GNA12: variants seen among roughly 807,000 people sequenced by gnomAD.
GNA12 encodes the protein G protein subunit alpha 12.
In GNA12, 9 loss-of-function variants were observed where a neutral mutation model predicts 26.0. That is an observed-to-expected ratio of 0.35 (90% CI 0.21 to 0.60). The LOEUF (loss-of-function observed/expected upper bound fraction) is 0.60. Ranked by LOEUF, GNA12 falls within the 20% of genes least tolerant of loss-of-function variation. GNA12 has a pLI of 0.78. For missense variants in GNA12, 405 were observed against 525.8 expected (o/e 0.77, Z 2.25); for synonymous variants, 264 against 219.6 (o/e 1.20, Z -1.79).
chr7:2,729,463 C>A lies in GNA12; in HGVS notation c.*1718G>T, dbSNP rs919286238. ...TCCAGCCAAAAAAGGAGCCACAAGC[C>A]CAGCAAACACTGACACACAGCCTCG... On this transcript the variant is annotated 3_prime_UTR_variant, in exon 4 of 4. Transcript: ENST00000275364. The A allele has an allele frequency of 6.6e-6, 1 of 152,470 alleles. No individual in the cohort carries two copies. Among genetic ancestry groups the A allele is most frequent in the African/African-American group, 2.4e-5 (1 of 41,444 alleles). 9.4% of individuals were successfully genotyped at this position (152,470 alleles called of 1,614,324 possible).
intron 2 of GNA12, among the ~76,000 whole-genome samples, chr7:2,740,135 T>TA (rs1358079174): frequency 2.0e-5 from 3 of 152,226 alleles, no homozygotes; most frequent in Admixed American, 6.5e-5. Flanking sequence ...GTGGCCATCC[T>TA]ACTAGCTGTG....
intron 1 of GNA12, among the ~76,000 whole-genome samples, chr7:2,796,086 G>T (rs965076437): frequency 5.9e-5 from 9 of 151,656 alleles, no homozygotes; most frequent in Non-Finnish European, 1.5e-5. Context: ...GCCTGGTCTC[G>T]AACTCCTGAC....
chr7:2,808,255 C>T (rs79125645), intron 1 of GNA12, among the ~76,000 whole-genome samples: 7 of 152,374 alleles, frequency 4.6e-5, no homozygotes, highest in South Asian at 4.1e-4. Flanking sequence ...TAGTGCTACC[C>T]GACACCCACC....
At chr7:2,763,217 CA>C in intron 2 of GNA12, 2 of 435,364 alleles carry the variant, frequency 4.6e-6, no homozygotes, top group South Asian at 1.0e-4. Context: ...CACACACACA[CA>C]CACACACACA....
intron 1 of GNA12, among the ~76,000 whole-genome samples, chr7:2,836,597 C>T (rs1031191009): frequency 3.3e-5 from 5 of 152,184 alleles, no homozygotes; most frequent in African/African-American, 1.2e-4. Context: ...CTTACAACAG[C>T]AGACCTTTTT....
At chr7:2,843,248 T>G (rs1779052568) in intron 1 of GNA12, among the ~76,000 whole-genome samples, 1 of 152,184 alleles carries the variant, frequency 6.6e-6, no homozygotes, top group Admixed American at 6.5e-5. Flanking sequence ...GATACCATTC[T>G]GCTAGGGCAC....
chr7:2,837,397 T>C (rs532933149), intron 1 of GNA12, among the ~76,000 whole-genome samples: 10 of 152,184 alleles, frequency 6.6e-5, no homozygotes, highest in African/African-American at 2.2e-4. Flanking sequence ...CAGAAGGAGA[T>C]GAGAGAGAGG....
chr7:2,732,324 A>G (rs1367885369), intron 3 of GNA12, among the ~76,000 whole-genome samples: 1 of 152,164 alleles, frequency 6.6e-6, no homozygotes, highest in Admixed American at 6.5e-5. Flanking sequence ...AGTGGGAGGA[A>G]TACCTTGAGC....
chr7:2,830,613 GA>G (rs914431778), intron 1 of GNA12, among the ~76,000 whole-genome samples: 4 of 152,206 alleles, frequency 2.6e-5, no homozygotes, highest in African/African-American at 9.6e-5. Context: ...AGCAAAGGGG[GA>G]TAAGGGATGG....
At chr7:2,792,057 A>T (rs1354699877) in intron 2 of GNA12, among the ~76,000 whole-genome samples, 1 of 152,184 alleles carries the variant, frequency 6.6e-6, no homozygotes, top group African/African-American at 2.4e-5. Flanking sequence ...CATAAGATCG[A>T]ACCAAAGGGA....
At chr7:2,783,336 G>A (rs1792276536) in intron 2 of GNA12, among the ~76,000 whole-genome samples, 1 of 152,186 alleles carries the variant, frequency 6.6e-6, no homozygotes, top group African/African-American at 2.4e-5. Context: ...ATGGTGCTAG[G>A]TATGTGGGTG....
At chr7:2,765,106 T>A (rs1290411499) in intron 2 of GNA12, 1 of 151,628 alleles carries the variant, frequency 6.6e-6, no homozygotes, top group Middle Eastern at 3.2e-3. Context: ...ACATTCATAA[T>A]CACTTGGATT....
chr7:2,740,822 ATCACG>A (rs2115326045), intron 2 of GNA12, among the ~76,000 whole-genome samples: 1 of 152,302 alleles, frequency 6.6e-6, no homozygotes, highest in African/African-American at 2.4e-5. Context: ...AGGCGGACGG[ATCACG>A]AGGTCGAGAG....
intron 1 of GNA12, among the ~76,000 whole-genome samples, chr7:2,806,481 AAAAG>A (rs1792952829): frequency 6.6e-6 from 1 of 150,664 alleles, no homozygotes; most frequent in Non-Finnish European, 1.5e-5. Context: ...AAAAAAAAGA[AAAAG>A]AAAAAAGAAG....
rs1779086824 is a variant in GNA12 at position 2,843,861 on chromosome 7, T to C, written c.301A>G (p.Ile101Val). ...CGGGGGGCGCGCGTCACCTTGAGGA[T>C]GTTGTCGAAGATGGTGTCGCGGAAC... ...LEFRDTIFDNILKGSRVLVDA... is the reference protein window; with the variant it reads ...LEFRDTIFDNVLKGSRVLVDA... The change falls in exon 1 of 4, where the codon ATC becomes GTC. Residue 101 changes from isoleucine (I) to valine (V), a missense_variant. Coordinates refer to ENST00000275364, the MANE Select transcript of GNA12 (RefSeq NM_007353.3). 8 of 1,525,194 alleles carry C rather than the reference T, an allele frequency of 5.2e-6. No individual in the cohort carries two copies. Among genetic ancestry groups the C allele is most frequent in the South Asian group, 1.2e-5 (1 of 81,886 alleles). 94.5% of individuals were successfully genotyped at this position (1,525,194 alleles called of 1,614,324 possible). A position where few individuals can be genotyped will look rare whatever the true frequency, so the allele number is the denominator to read the frequency against.
rs562431480 is a variant in GNA12 at position 2,804,830 on chromosome 7, G to A, written c.310-9687C>T. ...TCCTAGCGCTTTGGGAAGCCGAGGC[G>A]GGAGGATCTGTTGAGCCCAGGAGTT... On this transcript the variant is annotated intron_variant, in intron 1 of 3. Coordinates refer to ENST00000275364, the MANE Select transcript of GNA12 (RefSeq NM_007353.3). 6.6e-5 allele frequency among the ~76,000 whole-genome samples: 10 copies of A among 152,076 alleles called. No homozygotes were observed. The South Asian group carries it at 8.3e-4, about 13-fold the overall frequency.
At chr7:2,742,482 TTTA>T (rs1583221284) in intron 2 of GNA12, among the ~76,000 whole-genome samples, 2 of 152,338 alleles carry the variant, frequency 1.3e-5, no homozygotes, top group East Asian at 3.9e-4. Flanking sequence ...CCTGCTCCTG[TTTA>T]TCTCATCGCT....
chr7:2,794,006 G>T (rs527562251), intron 2 of GNA12, among the ~76,000 whole-genome samples: 1 of 152,238 alleles, frequency 6.6e-6, no homozygotes, highest in South Asian at 2.1e-4. Context: ...GCATCAGACA[G>T]CAGTGAAAAG....
rs1236862408 is a variant in GNA12 at position 2,737,276 on chromosome 7, T to TTTGTTTTG, written c.526-3776_526-3775insCAAAACAA. 4.6e-3 allele frequency among the ~76,000 whole-genome samples: 243 copies of TTTGTTTTG among 53,324 alleles called. 5 individuals are homozygous for TTTGTTTTG. The highest frequency in any genetic ancestry group is 0.015 in the African/African-American group (228 of 15,364). 35.0% of individuals were successfully genotyped at this position (53,324 alleles called of 152,430 possible). On this transcript the variant is annotated intron_variant, in intron 2 of 3. Coordinates refer to ENST00000275364, the MANE Select transcript of GNA12 (RefSeq NM_007353.3). ...GAGCTATCTCACAGTTTTGTTTTGT[T>TTTGTTTTG]TTTTTTTTTTTTGTTTTTTTTTTTT... is the stretch of plus-strand genomic sequence containing the variant.
Sources: allele counts gnomAD v4.1 joint callset (sites outside exome capture counted in the v4.1 genomes callset), GRCh38; gene constraint gnomAD v4.1.1; transcripts MANE v1.5; gene names NCBI Gene and HGNC (gene_info 2026-07-23, HGNC 2026-07-21).